Variants in PBRM1 observed in about 807,000 individuals in gnomAD.
The protein encoded by PBRM1 is protein polybromo-1.
Under a neutral mutation model 194.5 loss-of-function variants are expected in PBRM1, and 27 were observed. The ratio of observed to expected loss-of-function variants is 0.14; its 90% confidence interval spans 0.10 to 0.19. The LOEUF is 0.19. PBRM1 is among the 10% of genes least tolerant of loss of function. The pLI is 1.00. For missense variants in PBRM1, 1,466 were observed against 2,077.2 expected (o/e 0.71, Z 5.72); for synonymous variants, 655 against 693.2 (o/e 0.94, Z 0.87).
chr3:52,607,384 C>G (rs1276329719), intron 16 of PBRM1, among the ~76,000 whole-genome samples: 1 of 152,136 alleles, frequency 6.6e-6, no homozygotes, highest in Non-Finnish European at 1.5e-5. Flanking sequence ...CATAAAAATA[C>G]ACCTTGGACT....
chr3:52,635,925 G>A (rs186464568), intron 10 of PBRM1, among the ~76,000 whole-genome samples: 16 of 152,202 alleles, frequency 1.1e-4, no homozygotes, highest in Non-Finnish European at 2.1e-4. Context: ...GTGCAGTGGC[G>A]TGATCCTGGC....
chr3:52,583,404 A>T (rs2091773612), intron 20 of PBRM1, among the ~76,000 whole-genome samples: 1 of 151,768 alleles, frequency 6.6e-6, no homozygotes, highest in Non-Finnish European at 1.5e-5. Flanking sequence ...GTGAGACTCC[A>T]TCTAAAAAAA....
intron 21 of PBRM1, 95 bp from the exon 24 acceptor site, chr3:52,576,793 G>A: frequency 1.2e-6 from 1 of 865,464 alleles, no homozygotes; most frequent in Non-Finnish European, 1.8e-6. Flanking sequence ...TTAGTAATGT[G>A]TACCATTCAG....
intron 1 of PBRM1, 63 bp from the exon 3 acceptor site, chr3:52,678,660 A>C: frequency 9.7e-7 from 1 of 1,029,688 alleles, no homozygotes; most frequent in East Asian, 2.4e-5. Context: ...GTGTAGACAT[A>C]AGAATTATTT....
Position 52,675,611 on chromosome 3 carries a change from T to C in PBRM1, c.236+2889A>G, listed in dbSNP as rs2097080806. On this transcript the variant is annotated intron_variant, in intron 2 of 29. Transcript: ENST00000296302. ...GATCTTAGAGGAAAAGCTTTAAGTA[T>C]TTTGCCACTGAATATGTTGTTCACA... Among the ~76,000 whole-genome samples the C allele has an allele frequency of 2.0e-5, 3 of 152,204 alleles. No individual in the cohort carries two copies. In the South Asian group the frequency reaches 6.2e-4, roughly 31 times the overall value.
rs767831194 is a variant in PBRM1 at position 52,587,425 on chromosome 3, A to C, written c.3051T>G (p.Val1017=). ...CTTTGTTGTAATAGTCACTCTTAAA[A>C]ACTTCTTTTTCTAGAAATTTTCGTG... Residue 1017 remains valine (V), a synonymous_variant, in exon 19 of 30, where the codon GTT becomes GTG. Transcript: ENST00000296302. The C allele has an allele frequency of 8.1e-6, 13 of 1,611,660 alleles. No homozygotes were observed. In the South Asian group the frequency reaches 1.2e-4, roughly 15 times the overall value.
At position 52,603,975 on chromosome 3, in the gene PBRM1, C is replaced by T. The variant is rs567570111; in HGVS notation, c.2568-243G>A. Among the ~76,000 whole-genome samples, 12 of 152,254 alleles carry T rather than the reference C, an allele frequency of 7.9e-5. No homozygotes were observed. The South Asian group carries it at 1.7e-3, about 21-fold the overall frequency. The stretch of plus-strand genomic sequence containing the variant: ...CACTTCTTGTACAGCTCATGAAAAA[C>T]GAAAGGCCTCATGTATTTTCTCTTG... On this transcript the variant is annotated intron_variant, in intron 16 of 29. Coordinates refer to ENST00000296302, the Ensembl canonical transcript of PBRM1.
chr3:52,621,906 C>T (rs1456022825), intron 13 of PBRM1, among the ~76,000 whole-genome samples: 1 of 152,134 alleles, frequency 6.6e-6, no homozygotes, highest in East Asian at 1.9e-4. Flanking sequence ...CGTAGTCAGG[C>T]ATGGTGGCAC....
intron 24 of PBRM1, among the ~76,000 whole-genome samples, chr3:52,562,396 G>A (rs755048271): frequency 2.0e-5 from 3 of 151,556 alleles, no homozygotes; most frequent in African/African-American, 7.3e-5. Context: ...TTATTGACAC[G>A]TTTGGTTTAT....
intron 2 of PBRM1, among the ~76,000 whole-genome samples, chr3:52,676,608 T>C (rs1392677920): frequency 1.3e-5 from 2 of 152,188 alleles, no homozygotes; most frequent in East Asian, 3.8e-4. Flanking sequence ...AACCAACTGA[T>C]ACAGTAAATT....
chr3:52,684,638 G>A (rs977668610), upstream of PBRM1, among the ~76,000 whole-genome samples: 2 of 152,182 alleles, frequency 1.3e-5, no homozygotes, highest in Non-Finnish European at 2.9e-5. Flanking sequence ...TACAGCCTGT[G>A]TTTTAGTGAA....
At chr3:52,669,581 G>T (rs879897735) in intron 2 of PBRM1, among the ~76,000 whole-genome samples, 3 of 152,028 alleles carry the variant, frequency 2.0e-5, no homozygotes, top group Admixed American at 2.0e-4. Context: ...TTCTAGATGT[G>T]TAAGAGATAA....
chr3:52,549,471 A>G (rs1013398424), intron 29 of PBRM1, among the ~76,000 whole-genome samples: 1 of 152,182 alleles, frequency 6.6e-6, no homozygotes, highest in Non-Finnish European at 1.5e-5. Context: ...AATTTACCCA[A>G]TGCATCTATA....
At chr3:52,587,207 A>G (rs2092515076) in intron 19 of PBRM1, 146 bp downstream of exon 21, 2 of 623,108 alleles carry the variant, frequency 3.2e-6, no homozygotes, top group South Asian at 4.3e-5. Flanking sequence ...ATTTCTTCCC[A>G]AATCTTTTCA....
intron 11 of PBRM1, among the ~76,000 whole-genome samples, chr3:52,630,536 A>G (rs944525199): frequency 3.3e-5 from 5 of 152,234 alleles, no homozygotes; most frequent in Non-Finnish European, 1.5e-5. Flanking sequence ...ATCAACGCAG[A>G]AAGTTCTGTT....
At chr3:52,550,376 G>C (rs767595373) in intron 29 of PBRM1, 45 bp downstream of exon 31, 3 of 1,040,870 alleles carry the variant, frequency 2.9e-6, no homozygotes. Context: ...AGACAGCTTT[G>C]AGGAAGCATG....
intron 3 of PBRM1, among the ~76,000 whole-genome samples, chr3:52,667,746 C>CAAAAAAAAAAAAAAAAAAAA (rs34993730): frequency 1.2e-5 from 1 of 85,556 alleles, no homozygotes; most frequent in Non-Finnish European, 2.4e-5. Flanking sequence ...GACTTTGCCT[C>CAAAAAAAAAAAAAAAAAAAA]AAAAAAAAAA....
intron 11 of PBRM1, among the ~76,000 whole-genome samples, chr3:52,634,194 T>C (rs1274406649): frequency 6.6e-6 from 1 of 152,116 alleles, no homozygotes; most frequent in Non-Finnish European, 1.5e-5. Context: ...ATCCCAGCAC[T>C]TTGGGAGGCC....
At chr3:52,585,898 G>A (rs1033227623) in intron 20 of PBRM1, 1 of 151,824 alleles carries the variant, frequency 6.6e-6, no homozygotes, top group African/African-American at 2.4e-5. Flanking sequence ...TTATCTAATT[G>A]GACTTGTCAA....
Sources: allele counts gnomAD v4.1 joint callset (sites outside exome capture counted in the v4.1 genomes callset), GRCh38; gene constraint gnomAD v4.1.1; transcripts MANE v1.5; gene names NCBI Gene and HGNC (gene_info 2026-07-23, HGNC 2026-07-21).